TSHZ1: variants seen among roughly 807,000 people sequenced by gnomAD.
TSHZ1 encodes teashirt homolog 1.
In TSHZ1, 12 loss-of-function variants were observed where a neutral mutation model predicts 67.1. The observed-to-expected ratio is 0.18, with a 90% CI of 0.11 to 0.29. The LOEUF (loss-of-function observed/expected upper bound fraction) is 0.29. Ranked by LOEUF, TSHZ1 falls within the 10% of genes least tolerant of loss-of-function variation. The probability of loss-of-function intolerance (pLI) is 1.00; values close to 1 mark genes in which losing one functional copy is unlikely to be tolerated. For missense variants in TSHZ1, 1,305 were observed against 1,413.9 expected (o/e 0.92, Z 1.23); for synonymous variants, 632 against 622.4 (o/e 1.02, Z -0.23).
At chr18:75,212,563 C>T (rs1444582054) in intron 1 of TSHZ1, among the ~76,000 whole-genome samples, 1 of 152,126 alleles carries the variant, frequency 6.6e-6, no homozygotes, top group Non-Finnish European at 1.5e-5. Flanking sequence ...AGAGGATTGC[C>T]ATCCTTGATT....
At chr18:75,246,179 T>C (rs1471131580) in intron 1 of TSHZ1, among the ~76,000 whole-genome samples, 3 of 152,238 alleles carry the variant, frequency 2.0e-5, no homozygotes, top group African/African-American at 4.8e-5. Flanking sequence ...AGTTGGGCAT[T>C]TCCTACGAAA....
intron 1 of TSHZ1, among the ~76,000 whole-genome samples, chr18:75,276,081 A>G (rs568109930): frequency 1.3e-5 from 2 of 152,352 alleles, no homozygotes; most frequent in Admixed American, 6.5e-5. Context: ...ATTAACACCT[A>G]AAGTGCTTAT....
intron 1 of TSHZ1, among the ~76,000 whole-genome samples, chr18:75,249,003 C>T (rs539945173): frequency 3.1e-4 from 47 of 152,308 alleles, no homozygotes; most frequent in Admixed American, 7.8e-4. Flanking sequence ...GGGCCTGAGC[C>T]GGGCACCCTG....
At chr18:75,266,022 C>G (rs554125818) in intron 1 of TSHZ1, among the ~76,000 whole-genome samples, 2 of 152,336 alleles carry the variant, frequency 1.3e-5, no homozygotes, top group South Asian at 4.1e-4. Flanking sequence ...CATTGTATTA[C>G]TGCACAGAGA....
chr18:75,258,054 C>T (rs894058869), intron 1 of TSHZ1, among the ~76,000 whole-genome samples: 8 of 152,188 alleles, frequency 5.3e-5, no homozygotes, highest in Admixed American at 3.3e-4. Flanking sequence ...CCTCGACCTG[C>T]TCCTAGGACC....
chr18:75,283,053 T>G (rs2023706243), intron 1 of TSHZ1: 1 of 152,294 alleles, frequency 6.6e-6, no homozygotes, highest in African/African-American at 2.4e-5. Flanking sequence ...TGAGGCCGTT[T>G]CCTATAGTCG....
At chr18:75,250,330 C>T (rs2122565893) in intron 1 of TSHZ1, among the ~76,000 whole-genome samples, 1 of 152,336 alleles carries the variant, frequency 6.6e-6, no homozygotes, top group East Asian at 1.9e-4. Context: ...CCCACTTGCC[C>T]AGCCCCGGCA....
In TSHZ1 at chr18:75,285,546, T is replaced by C; in HGVS notation, c.139T>C (p.Cys47Arg). Residue 47 changes from cysteine (C) to arginine (R), a missense_variant, in exon 2 of 2, where the codon TGC becomes CGC. Around this residue, in one of 3 missense-constraint regions of TSHZ1, gnomAD observed 358 missense variants for 375.6 expected, o/e 0.95. Transcript: ENST00000580243. ...SLDIQESEYM[C>R]NEETEIKEAQ... ...GGACATTCAGGAAAGTGAGTACATG[T>C]GCAATGAAGAGACGGAGATCAAAGA... 1 of 1,576,654 alleles carries C rather than the reference T, an allele frequency of 6.3e-7. No homozygotes were observed.
At chr18:75,254,210 T>C (rs1040378317) in intron 1 of TSHZ1, among the ~76,000 whole-genome samples, 2 of 152,244 alleles carry the variant, frequency 1.3e-5, no homozygotes, top group Non-Finnish European at 2.9e-5. Context: ...ATGTTTTTGC[T>C]CAGTTTTAAT....
intron 1 of TSHZ1, among the ~76,000 whole-genome samples, chr18:75,241,416 T>TG (rs2023154840): frequency 6.6e-6 from 1 of 152,174 alleles, no homozygotes; most frequent in Non-Finnish European, 1.5e-5. Context: ...GGTGGCTACT[T>TG]GCTGCATCGC....
At chr18:75,226,427 A>G (rs2022926497) in intron 1 of TSHZ1, among the ~76,000 whole-genome samples, 1 of 152,230 alleles carries the variant, frequency 6.6e-6, no homozygotes, top group African/African-American at 2.4e-5. Flanking sequence ...CTCAGGCCCC[A>G]GATTTAAGTC....
At chr18:75,261,624 A>G (rs1459446538) in intron 1 of TSHZ1, among the ~76,000 whole-genome samples, 7 of 152,190 alleles carry the variant, frequency 4.6e-5, no homozygotes. Context: ...TTCTGGTTCT[A>G]TCTTGTTTAC....
At chr18:75,252,787 G>C (rs1311763852) in intron 1 of TSHZ1, among the ~76,000 whole-genome samples, 1 of 152,014 alleles carries the variant, frequency 6.6e-6, no homozygotes, top group Non-Finnish European at 1.5e-5. Context: ...TGATTTCAAT[G>C]AACAATCTGC....
chr18:75,288,819 T>C lies in TSHZ1; in HGVS notation c.*178T>C, dbSNP rs2023823326. On this transcript the variant is annotated 3_prime_UTR_variant, in exon 2 of 2. Coordinates refer to ENST00000580243, the MANE Select transcript of TSHZ1 (RefSeq NM_001308210.2). The surrounding 1 kb of genome is among the most constrained non-coding windows in gnomAD (Gnocchi z 4.9). ...CTCTCTGTCCGATCTGTGCATGTTA[T>C]TTTTCTTTTTCCGTGAGTCAAAGTC... 2 of 1,066,772 alleles carry C rather than the reference T, an allele frequency of 1.9e-6. No homozygotes were observed. The highest frequency in any genetic ancestry group is 5.5e-5 in the South Asian group (2 of 36,356). 66.1% of individuals were successfully genotyped at this position (1,066,772 alleles called of 1,614,324 possible). A position where few individuals can be genotyped will look rare whatever the true frequency, so the allele number is the denominator to read the frequency against.
intron 1 of TSHZ1, among the ~76,000 whole-genome samples, chr18:75,226,037 G>T (rs2022920822): frequency 6.6e-6 from 1 of 152,190 alleles, no homozygotes; most frequent in Non-Finnish European, 1.5e-5. Context: ...GCAGGCATCA[G>T]ATTCAAACGA....
At chr18:75,243,775 A>T (rs148570942) in intron 1 of TSHZ1, among the ~76,000 whole-genome samples, 1 of 152,270 alleles carries the variant, frequency 6.6e-6, no homozygotes, top group East Asian at 1.9e-4. Context: ...AGAGTCCAAC[A>T]TTTTTTTATG....
At chr18:75,218,923 TA>T (rs1489540828) in intron 1 of TSHZ1, among the ~76,000 whole-genome samples, 11 of 137,670 alleles carry the variant, frequency 8.0e-5, no homozygotes, top group Admixed American at 7.8e-4. Flanking sequence ...TGAACATGTA[TA>T]TTTTTTTTTT....
At chr18:75,235,259 C>T (rs886148436) in intron 1 of TSHZ1, among the ~76,000 whole-genome samples, 3 of 152,092 alleles carry the variant, frequency 2.0e-5, no homozygotes, top group Non-Finnish European at 4.4e-5. Flanking sequence ...TGACATGTGG[C>T]GTTGGGTCCC....
intron 1 of TSHZ1, among the ~76,000 whole-genome samples, chr18:75,239,023 C>T (rs1283902192): frequency 6.6e-6 from 1 of 152,234 alleles, no homozygotes; most frequent in Non-Finnish European, 1.5e-5. Context: ...CGACGCTGCC[C>T]AGGCAAAGAG....
Sources: gnomAD v4.1 joint callset for allele counts (sites outside exome capture counted in the v4.1 genomes callset) on GRCh38, gnomAD v4.1.1 for gene constraint, gnomAD v4.1.1 regional missense constraint, Gnocchi (gnomAD v3.1) non-coding constraint, MANE v1.5 for transcripts, NCBI Gene and HGNC (gene_info 2026-07-23, HGNC 2026-07-21) for gene names.